GNL2: variants seen among roughly 807,000 people sequenced by gnomAD.
The protein encoded by GNL2 is G protein nucleolar 2, also known as nucleolar GTP-binding protein 2.
In GNL2, 51 loss-of-function variants were observed where a neutral mutation model predicts 92.3. That is an observed-to-expected ratio of 0.55 (90% CI 0.44 to 0.70). The LOEUF (loss-of-function observed/expected upper bound fraction) is 0.70. GNL2 is among the 30% of genes least tolerant of loss of function. GNL2 has a pLI of 0.00. For synonymous variants in GNL2, 283 were observed against 300.6 expected, an observed-to-expected ratio of 0.94 and a Z score of 0.61; for missense variants, 844 against 895.6, an observed-to-expected ratio of 0.94 and a Z score of 0.74.
At chr1:37,589,722 GCAGA>G (rs1203104003) in intron 4 of GNL2, among the ~76,000 whole-genome samples, 1 of 152,180 alleles carries the variant, frequency 6.6e-6, no homozygotes, top group African/African-American at 2.4e-5. Context: ...GTAAAAATAA[GCAGA>G]CAAACAACAG....
intron 12 of GNL2, among the ~76,000 whole-genome samples, chr1:37,573,768 T>C (rs1045574068): frequency 2.6e-5 from 4 of 152,268 alleles, no homozygotes; most frequent in Admixed American, 2.6e-4. Context: ...TTCTCTCATA[T>C]GTCTACTTAT....
intron 1 of GNL2, among the ~76,000 whole-genome samples, chr1:37,594,919 C>A: frequency 6.6e-6 from 1 of 152,250 alleles, no homozygotes; most frequent in East Asian, 1.9e-4. Flanking sequence ...ATTGGCTCTC[C>A]TAACAGTCTC....
chr1:37,580,850 C>A (rs2148136003), intron 8 of GNL2, among the ~76,000 whole-genome samples: 1 of 152,344 alleles, frequency 6.6e-6, no homozygotes, highest in African/African-American at 2.4e-5. Flanking sequence ...ACTCATAGCA[C>A]ACCATGTGGA....
At chr1:37,573,467 T>C (rs775017426) in intron 12 of GNL2, among the ~76,000 whole-genome samples, 3 of 152,218 alleles carry the variant, frequency 2.0e-5, no homozygotes, top group Non-Finnish European at 4.4e-5. Context: ...GAAATGGGGA[T>C]AGTAGGAGAG....
At position 37,567,082 on chromosome 1, in the gene GNL2, C is replaced by G. The variant is rs904747989; in HGVS notation, c.2044-75G>C. ...AAAGTCATTCACAAAACAGGAGTCT[C>G]TGCTTCTCATCTCTGTGTTCTATTT... On this transcript the variant is annotated intron_variant, in intron 15 of 15. Coordinates refer to ENST00000373062, the MANE Select transcript of GNL2 (RefSeq NM_013285.3). The G allele has an allele frequency of 1.5e-5, 22 of 1,448,546 alleles. No homozygotes were observed. In the African/African-American group the frequency reaches 2.3e-4, roughly 15 times the overall value. 89.7% of individuals were successfully genotyped at this position (1,448,546 alleles called of 1,614,324 possible). A position where few individuals can be genotyped will look rare whatever the true frequency, so the allele number is the denominator to read the frequency against.
At chr1:37,573,974 A>G (rs993042464) in intron 12 of GNL2, among the ~76,000 whole-genome samples, 1 of 152,098 alleles carries the variant, frequency 6.6e-6, no homozygotes, top group Admixed American at 6.5e-5. Flanking sequence ...GGCTCACTGC[A>G]ACTTGTCTCC....
chr1:37,587,295 A>G lies in GNL2; in HGVS notation c.569+16T>C. The G allele has an allele frequency of 2.6e-6, 2 of 767,228 alleles. No homozygotes were observed. Among genetic ancestry groups the G allele is most frequent in the Non-Finnish European group, 1.8e-6 (1 of 559,604 alleles). 47.5% of individuals were successfully genotyped at this position (767,228 alleles called of 1,614,324 possible). On this transcript the variant is annotated intron_variant, in intron 5 of 15. Transcript: ENST00000373062. The stretch of plus-strand genomic sequence containing the variant: ...AAAAAAAAAACAAAAACAAAGAAGC[A>G]AAAAAAAAAATGTACCTCACACCAG...
intron 15 of GNL2, 95 bp from the exon 16 acceptor site, chr1:37,567,102 C>T: frequency 2.3e-6 from 3 of 1,308,832 alleles, no homozygotes; most frequent in Non-Finnish European, 2.1e-6. Context: ...TCTCTGTGTT[C>T]TATTTCCCGT....
chr1:37,582,607 A>G (rs1557642052), intron 7 of GNL2, among the ~76,000 whole-genome samples, 171 bp downstream of exon 7: 1 of 152,236 alleles, frequency 6.6e-6, no homozygotes, highest in Admixed American at 6.5e-5. Flanking sequence ...TGGCCTCAGA[A>G]GCCGTCTCCT....
rs1249629218 is a variant in GNL2 at position 37,575,004 on chromosome 1, T to C, written c.1144-181A>G. 1.3e-5 allele frequency among the ~76,000 whole-genome samples: 2 copies of C among 152,206 alleles called. No individual in the cohort carries two copies. Among genetic ancestry groups the C allele is most frequent in the Non-Finnish European group, 2.9e-5 (2 of 68,036 alleles). ...AGCTGCAAGGAGCACTGCTGAAAGCTGACCATAGCCACGGAGCCCAGAACT... is the reference window on the plus strand; with the variant it reads ...AGCTGCAAGGAGCACTGCTGAAAGCCGACCATAGCCACGGAGCCCAGAACT... On this transcript the variant is annotated intron_variant, in intron 10 of 15. Transcript: ENST00000373062. The surrounding 1 kb of genome is among the most constrained non-coding windows in gnomAD (Gnocchi z 4.1).
chr1:37,568,712 T>A, intron 13 of GNL2, 139 bp downstream of exon 13: 1 of 709,246 alleles, frequency 1.4e-6, no homozygotes, highest in Non-Finnish European at 2.5e-6. Context: ...AGACGCCGTC[T>A]CAAAAAACAA....
chr1:37,595,205 T>C (rs957797970), intron 1 of GNL2, among the ~76,000 whole-genome samples: 3 of 152,226 alleles, frequency 2.0e-5, no homozygotes, highest in Non-Finnish European at 4.4e-5. Context: ...AACTCTCCCA[T>C]AGGATGTCTT....
intron 7 of GNL2, 59 bp downstream of exon 7, chr1:37,582,719 A>G (rs897740519): frequency 3.7e-6 from 5 of 1,368,404 alleles, no homozygotes; most frequent in African/African-American, 1.4e-5. Flanking sequence ...TAAAAGCCCT[A>G]CAACTGACTT....
intron 3 of GNL2, among the ~76,000 whole-genome samples, chr1:37,592,058 TAA>T (rs1208696727): frequency 2.6e-5 from 4 of 152,178 alleles, no homozygotes; most frequent in East Asian, 1.9e-4. Flanking sequence ...ACTGAAAGTA[TAA>T]GAGACTCAAA....
intron 4 of GNL2, 68 bp from the exon 5 acceptor site, chr1:37,587,563 C>A: frequency 2.0e-6 from 2 of 1,001,410 alleles, no homozygotes; most frequent in Non-Finnish European, 3.0e-6. Flanking sequence ...AGCTCAACAC[C>A]CACCTAGGAA....
chr1:37,568,989 G>A lies in GNL2; in HGVS notation c.1730C>T (p.Ala577Val), dbSNP rs368568971. ...CTCAGGCTCCGAGGAAGACTCTTCC[G>A]CATCATCTCTTTGTTGCTCCTGTTC... ...EEEQEQQRDD[A>V]EESSSEPEEE... The change falls in exon 13 of 16, where the codon GCG becomes GTG. Residue 577 changes from alanine (A) to valine (V), a missense_variant. Transcript: ENST00000373062. 2.0e-5 allele frequency: 32 copies of A among 1,613,924 alleles called. No individual in the cohort carries two copies. The highest frequency in any genetic ancestry group is 1.8e-4 in the South Asian group (16 of 91,082).
In GNL2 at chr1:37,575,839, C is replaced by T; in HGVS notation, c.1039-140G>A. ...AGCAACGCGCTAAGTAATTAAGCTA[C>T]TAACTCTCTCATCTGTGCCGTGCAC... On this transcript the variant is annotated intron_variant, in intron 9 of 15. Transcript: ENST00000373062. This position sits in a 1 kb window ranked among gnomAD's most constrained non-coding sequence, Gnocchi z 4.1. The T allele has an allele frequency of 1.7e-6, 1 of 584,564 alleles. No individual in the cohort carries two copies. The highest frequency in any genetic ancestry group is 1.9e-5 in the African/African-American group (1 of 51,460). The allele number at this position is 584,564 out of a possible 1,614,324, so 36.2% of individuals were successfully genotyped here. A position where few individuals can be genotyped will look rare whatever the true frequency, so the allele number is the denominator to read the frequency against.
chr1:37,590,708 G>A lies in GNL2; in HGVS notation c.382C>T (p.His128Tyr), dbSNP rs1643882360. ...ACCAGGGATATCCTACATCTTACAT[G>A]AGGCCGGATTCGATCATGGAGAAGA... ...MSLLHDRIRP[H>Y]NLKVHILDTE... The change falls in exon 4 of 16, where the codon CAT (histidine) becomes TAT (tyrosine). Residue 128 changes from histidine (H) to tyrosine (Y), a missense_variant and splice_region_variant. His to Tyr is a moderately conservative substitution (Grantham distance 83). Transcript: ENST00000373062. 1.9e-6 allele frequency: 3 copies of A among 1,613,090 alleles called. No homozygotes were observed. In the African/African-American group the frequency reaches 4.0e-5, roughly 22 times the overall value.
chr1:37,590,186 A>G (rs1040062189), intron 4 of GNL2, among the ~76,000 whole-genome samples: 10 of 152,246 alleles, frequency 6.6e-5, no homozygotes, highest in African/African-American at 2.4e-4. Context: ...GGCTCACTGC[A>G]ATCTCTGCCT....
Sources: gnomAD v4.1 joint callset for allele counts (sites outside exome capture counted in the v4.1 genomes callset) on GRCh38, gnomAD v4.1.1 for gene constraint, Gnocchi (gnomAD v3.1) non-coding constraint, MANE v1.5 for transcripts, NCBI Gene and HGNC (gene_info 2026-07-23, HGNC 2026-07-21) for gene names.